The following LONP2 variants were observed in gnomAD, a reference collection of about 807,000 sequenced individuals.
The protein encoded by LONP2 is lon protease homolog 2, peroxisomal.
In LONP2, 60 loss-of-function variants were observed where a neutral mutation model predicts 85.6. The observed-to-expected ratio is 0.70, with a 90% CI of 0.57 to 0.87. LONP2 has a LOEUF of 0.87. LONP2 is among the 40% of genes least tolerant of loss of function. LONP2 has a pLI of 0.00. For synonymous variants in LONP2, 395 were observed against 389.7 expected, an observed-to-expected ratio of 1.01 and a Z score of -0.16; for missense variants, 860 against 1,063.5, an observed-to-expected ratio of 0.81 and a Z score of 2.66.
chr16:48,287,855 C>T (rs190910412), intron 8 of LONP2, among the ~76,000 whole-genome samples: 2 of 152,298 alleles, frequency 1.3e-5, no homozygotes, highest in East Asian at 1.9e-4. Flanking sequence ...CTAGTGCTCT[C>T]ATTGCTTTTC....
At chr16:48,311,719 C>G (rs1322423842) in intron 11 of LONP2, among the ~76,000 whole-genome samples, 2 of 152,064 alleles carry the variant, frequency 1.3e-5, no homozygotes, top group Non-Finnish European at 2.9e-5. Flanking sequence ...ATTGTAAGCC[C>G]AAGCAGTCCT....
chr16:48,298,242 T>C (rs1972716825), intron 9 of LONP2, among the ~76,000 whole-genome samples: 1 of 152,196 alleles, frequency 6.6e-6, no homozygotes, highest in Admixed American at 6.5e-5. Flanking sequence ...CTAACCTCTT[T>C]CCATTCAAAA....
chr16:48,312,347 G>A (rs1649079410), intron 11 of LONP2, among the ~76,000 whole-genome samples: 1 of 151,930 alleles, frequency 6.6e-6, no homozygotes, highest in African/African-American at 2.4e-5. Context: ...GTTTCTCTGG[G>A]GGTGTCATAG....
intron 3 of LONP2, among the ~76,000 whole-genome samples, chr16:48,258,359 A>G (rs1428839364): frequency 3.3e-5 from 5 of 149,756 alleles, no homozygotes; most frequent in African/African-American, 1.0e-4. Context: ...AAAAAAAAGA[A>G]AAAAAAAAAC....
At chr16:48,282,277 C>G (rs12149230) in intron 8 of LONP2, among the ~76,000 whole-genome samples, 31,488 of 151,530 alleles carry the variant, frequency 0.21, 4,017 homozygotes, top group African/African-American at 0.36. Context: ...TGGGCATGGT[C>G]GTGCATGCCT....
chr16:48,361,274 C>T (rs1345630486), downstream of LONP2: 1 of 297,742 alleles, frequency 3.4e-6, no homozygotes, highest in Non-Finnish European at 6.5e-6. Flanking sequence ...TTCAACAATA[C>T]AATCAATCTA....
intron 11 of LONP2, among the ~76,000 whole-genome samples, chr16:48,318,762 C>G (rs111235117): frequency 1.3e-5 from 2 of 152,310 alleles, no homozygotes; most frequent in African/African-American, 4.8e-5. Context: ...ACTGACTATG[C>G]AAGCGCCTCT....
At chr16:48,251,254 T>A (rs1318337908) in intron 1 of LONP2, among the ~76,000 whole-genome samples, 3 of 152,260 alleles carry the variant, frequency 2.0e-5, no homozygotes, top group Non-Finnish European at 4.4e-5. Flanking sequence ...TTTTCTTTTC[T>A]GGAATTACCA....
chr16:48,318,191 G>C (rs1973185726), intron 11 of LONP2, among the ~76,000 whole-genome samples: 1 of 152,124 alleles, frequency 6.6e-6, no homozygotes, highest in African/African-American at 2.4e-5. Flanking sequence ...CATAAAGCAT[G>C]CTTAGGGCTT....
chr16:48,244,379 G>A lies in LONP2; in HGVS notation c.-10G>A, dbSNP rs755534193. ...CTTTTTGACAGCCCCCAGTGCGAAAGGCTGCCAGCATGTCATCAGTGAGCC... is the reference window on the plus strand; with the variant it reads ...CTTTTTGACAGCCCCCAGTGCGAAAAGCTGCCAGCATGTCATCAGTGAGCC... On this transcript the variant is annotated 5_prime_UTR_variant, in exon 1 of 15. Transcript: ENST00000285737. The A allele has an allele frequency of 5.2e-6, 8 of 1,530,460 alleles. No homozygotes were observed. The East Asian group carries it at 1.6e-4, about 30-fold the overall frequency. The allele number at this position is 1,530,460 out of a possible 1,614,324, so 94.8% of individuals were successfully genotyped here. A position where few individuals can be genotyped will look rare whatever the true frequency, so the allele number is the denominator to read the frequency against.
chr16:48,271,191 C>A (rs1046864289), intron 7 of LONP2, among the ~76,000 whole-genome samples: 2 of 151,568 alleles, frequency 1.3e-5, no homozygotes, highest in African/African-American at 2.4e-5. Context: ...AACAAACAAA[C>A]AAACAACAAC....
At chr16:48,259,613 A>G (rs74016345) in intron 4 of LONP2, among the ~76,000 whole-genome samples, 1 of 152,234 alleles carries the variant, frequency 6.6e-6, no homozygotes, top group African/African-American at 2.4e-5. Flanking sequence ...AAGTCTTGTC[A>G]TCAAAGAGAA....
chr16:48,349,622 A>C (rs1025289558), intron 14 of LONP2, among the ~76,000 whole-genome samples: 1 of 152,200 alleles, frequency 6.6e-6, no homozygotes, highest in African/African-American at 2.4e-5. Flanking sequence ...ACTTGAAAGA[A>C]AGGCCTGTGA....
chr16:48,324,992 G>A (rs1485322890), intron 11 of LONP2, among the ~76,000 whole-genome samples: 1 of 151,958 alleles, frequency 6.6e-6, no homozygotes, highest in Admixed American at 6.6e-5. Flanking sequence ...GTTAACCATA[G>A]TCACTGTGCA....
rs1682489070 is a variant in LONP2 at position 48,334,780 on chromosome 16, A to C, written c.1938+422A>C. On this transcript the variant is annotated intron_variant, in intron 12 of 14. Coordinates refer to ENST00000285737, the MANE Select transcript of LONP2 (RefSeq NM_031490.5). The stretch of plus-strand genomic sequence containing the variant: ...ACCTGTCTTGAATTTTGGCTTTGAC[A>C]TTCTCAGTGGCATCACTGGGCTCGA... 1.0e-4 allele frequency: 56 copies of C among 554,346 alleles called. 1 individual carries two copies. The highest frequency in any genetic ancestry group is 7.8e-4 in the South Asian group (55 of 70,068). The allele number at this position is 554,346 out of a possible 1,614,324, so 34.3% of individuals were successfully genotyped here. A position where few individuals can be genotyped will look rare whatever the true frequency, so the allele number is the denominator to read the frequency against.
chr16:48,260,174 G>A (rs1971845155), intron 4 of LONP2, among the ~76,000 whole-genome samples: 1 of 152,054 alleles, frequency 6.6e-6, no homozygotes, highest in Non-Finnish European at 1.5e-5. Context: ...ATCTGCTGAT[G>A]ACTTATGTAA....
chr16:48,263,256 A>G (rs1325126250), intron 6 of LONP2, among the ~76,000 whole-genome samples: 2 of 152,226 alleles, frequency 1.3e-5, no homozygotes, highest in Non-Finnish European at 2.9e-5. Context: ...CAATATTGTT[A>G]GCGATAGGCA....
rs371757439 is a variant in LONP2 at position 48,347,750 on chromosome 16, A to G, written c.2146+36A>G. The G allele has an allele frequency of 8.2e-6, 13 of 1,580,326 alleles. No homozygotes were observed. In the African/African-American group the frequency reaches 1.8e-4, roughly 21 times the overall value. ...GCACCCGGCCAGGCAGGCGTGACCC[A>G]GGAGGCGGTACCTTCCATGGCGGAG... On this transcript the variant is annotated intron_variant, in intron 13 of 14. Coordinates refer to ENST00000285737, the MANE Select transcript of LONP2 (RefSeq NM_031490.5).
At chr16:48,246,414 G>A (rs950066533) in intron 1 of LONP2, among the ~76,000 whole-genome samples, 7 of 152,316 alleles carry the variant, frequency 4.6e-5, no homozygotes, top group Non-Finnish European at 8.8e-5. Context: ...GTCTAGGCAA[G>A]AGTGGTCATT....
Sources: allele counts gnomAD v4.1 joint callset (sites outside exome capture counted in the v4.1 genomes callset), GRCh38; gene constraint gnomAD v4.1.1; transcripts MANE v1.5; gene names NCBI Gene and HGNC (gene_info 2026-07-23, HGNC 2026-07-21).